The following TAFA5 variants were observed in gnomAD, a reference collection of about 807,000 sequenced individuals.
TAFA5 encodes the protein chemokine-like protein TAFA-5.
A neutral mutation model predicts 15.3 loss-of-function variants in TAFA5; 6 were observed. The ratio of observed to expected loss-of-function variants is 0.39; its 90% CI spans 0.21 to 0.77. The LOEUF (loss-of-function observed/expected upper bound fraction) is 0.77. Among genes scored for constraint, TAFA5 ranks in the 30% least tolerant of loss-of-function variants. The probability of loss-of-function intolerance (pLI) is 0.41; values close to 1 mark genes in which losing one functional copy is unlikely to be tolerated. For synonymous variants in TAFA5, 103 were observed against 80.7 expected (o/e 1.28, Z -1.48); for missense variants, 161 against 193.1 (o/e 0.83, Z 0.98).
intron 2 of TAFA5, among the ~76,000 whole-genome samples, chr22:48,673,051 G>A: frequency 6.6e-6 from 1 of 152,172 alleles, no homozygotes; most frequent in Non-Finnish European, 1.5e-5. Context: ...CTGCACCAGT[G>A]CCTCCAAATC....
In TAFA5 at chr22:48,708,695, GT is replaced by G. The variant is rs574162177; in HGVS notation, c.390+854del. The stretch of plus-strand genomic sequence containing the variant: ...AAGCTGAGGACGTGAGTGGGTGAGC[GT>G]TTCCCTAACACGGATCCGGGCTCCA... On this transcript the variant is annotated intron_variant, in intron 3 of 3. Transcript: ENST00000402357. 3.0e-4 allele frequency among the ~76,000 whole-genome samples: 45 copies of G among 152,338 alleles called. 1 individual carries two copies. The highest frequency in any genetic ancestry group is 5.6e-4 in the Non-Finnish European group (38 of 68,020).
chr22:48,748,211 C>T (rs1305624787), intron 3 of TAFA5, among the ~76,000 whole-genome samples: 1 of 152,210 alleles, frequency 6.6e-6, no homozygotes, highest in African/African-American at 2.4e-5. Flanking sequence ...GCTTGTTGGG[C>T]ATCCACAGCC....
rs1418299749 is a variant in TAFA5 at position 48,566,773 on chromosome 22, T to C, written c.112+77069T>C. ...CTGTAGAGAACCCAGCCCCTGATCA[T>C]GCTCTCCTCCTTTTGCCTGTGTCCT... On this transcript the variant is annotated intron_variant, in intron 1 of 3. Transcript: ENST00000402357. This position sits in a 1 kb window ranked among gnomAD's most constrained non-coding sequence, Gnocchi z 4.5. Among the ~76,000 whole-genome samples the C allele has an allele frequency of 6.6e-6, 1 of 152,220 alleles. No homozygotes were observed. The highest frequency in any genetic ancestry group is 2.4e-5 in the African/African-American group (1 of 41,452).
At chr22:48,622,689 T>C (rs1601622621) in intron 1 of TAFA5, among the ~76,000 whole-genome samples, 2 of 152,210 alleles carry the variant, frequency 1.3e-5, no homozygotes, top group East Asian at 1.9e-4. Context: ...ATTTGGAGAA[T>C]GGCGCAGCTG....
At chr22:48,500,050 C>T (rs544172764) in intron 1 of TAFA5, among the ~76,000 whole-genome samples, 1 of 152,260 alleles carries the variant, frequency 6.6e-6, no homozygotes, top group African/African-American at 2.4e-5. Context: ...TCAGAGACCC[C>T]TTTGCTTGGT....
At chr22:48,683,239 C>T (rs1180081811) in intron 2 of TAFA5, among the ~76,000 whole-genome samples, 4 of 152,166 alleles carry the variant, frequency 2.6e-5, no homozygotes, top group South Asian at 4.2e-4. Flanking sequence ...CGGACAGGCC[C>T]GGATGTTCCT....
chr22:48,646,544 T>C (rs1401415984), intron 1 of TAFA5, 53 bp from the exon 2 acceptor site: 1 of 1,591,680 alleles, frequency 6.3e-7, no homozygotes. Flanking sequence ...GGGCTCTGGC[T>C]GTGGGGTGTC....
At chr22:48,676,526 C>A (rs895696606) in intron 2 of TAFA5, among the ~76,000 whole-genome samples, 2 of 151,974 alleles carry the variant, frequency 1.3e-5, no homozygotes, top group African/African-American at 4.8e-5. Context: ...GCCTGGTGGT[C>A]GTTCAGGAGT....
chr22:48,541,600 AC>A (rs1208493324), intron 1 of TAFA5, among the ~76,000 whole-genome samples: 1 of 151,478 alleles, frequency 6.6e-6, no homozygotes, highest in Non-Finnish European at 1.5e-5. Flanking sequence ...AACAGGTGCC[AC>A]CCCCCTGTGT....
intron 3 of TAFA5, among the ~76,000 whole-genome samples, chr22:48,734,685 A>G (rs1388535886): frequency 2.6e-5 from 4 of 152,234 alleles, no homozygotes; most frequent in African/African-American, 7.2e-5. Context: ...AGCTCTTCTG[A>G]CTGCTGTTTT....
intron 1 of TAFA5, chr22:48,544,473 T>C (rs12170786): frequency 0.019 from 6,482 of 348,042 alleles, 327 homozygotes; most frequent in African/African-American, 0.12. Flanking sequence ...GGCAGCCGTT[T>C]GTTGAAATAT....
intron 1 of TAFA5, among the ~76,000 whole-genome samples, chr22:48,585,784 A>G (rs1317531270): frequency 6.6e-6 from 1 of 152,030 alleles, no homozygotes; most frequent in Admixed American, 6.6e-5. Context: ...CACACACCAC[A>G]CATACCCTGT....
rs1420740510 is a variant in TAFA5, at chr22:48,489,610, G to C, written c.18G>C (p.Arg6Ser). 2.7e-6 allele frequency: 4 copies of C among 1,498,732 alleles called. No individual in the cohort carries two copies. The highest frequency in any genetic ancestry group is 2.9e-5 in the African/African-American group (2 of 68,898). 92.8% of individuals were successfully genotyped at this position (1,498,732 alleles called of 1,614,324 possible). A position where few individuals can be genotyped will look rare whatever the true frequency, so the allele number is the denominator to read the frequency against. The stretch of plus-strand genomic sequence containing the variant: ...CGGCTTCAATGGCGCCATCGCCCAG[G>C]ACCGGCAGCCGGCAAGATGCGACCG... MAPSP[R>S]TGSRQDATAL... The change falls in exon 1 of 4, where the codon AGG becomes AGC. Residue 6 changes from arginine to serine, a missense_variant. Physicochemically the swap from Arg to Ser is moderately radical, Grantham distance 110 (BLOSUM62 -1). Coordinates refer to ENST00000402357, the MANE Select transcript of TAFA5 (RefSeq NM_001082967.3). The surrounding 1 kb of genome is among the most constrained non-coding windows in gnomAD (Gnocchi z 5.5).
chr22:48,608,134 C>CTCCCACAGTCCCGGG (rs1925267421), intron 1 of TAFA5, among the ~76,000 whole-genome samples: 4 of 152,010 alleles, frequency 2.6e-5, no homozygotes, highest in African/African-American at 9.7e-5. Context: ...CTGCCAGACC[C>CTCCCACAGTCCCGGG]CTGCTTCTCG....
At chr22:48,621,392 T>G (rs1388364283) in intron 1 of TAFA5, among the ~76,000 whole-genome samples, 1 of 151,812 alleles carries the variant, frequency 6.6e-6, no homozygotes, top group African/African-American at 2.4e-5. Flanking sequence ...CATTCTTGTG[T>G]TGGGTGCTCC....
intron 2 of TAFA5, among the ~76,000 whole-genome samples, chr22:48,660,187 C>T (rs1052857078): frequency 6.6e-6 from 1 of 152,186 alleles, no homozygotes; most frequent in Non-Finnish European, 1.5e-5. Context: ...TCATTGTCTT[C>T]GGACACGCTG....
rs1923398044 is a variant in TAFA5, at chr22:48,566,076, G to T, written c.112+76372G>T. ...ATGGATGGATGATGGATGGATGGAT[G>T]GATGATGGATGAATGATAGGTGGAT... On this transcript the variant is annotated intron_variant, in intron 1 of 3. Coordinates refer to ENST00000402357, the MANE Select transcript of TAFA5 (RefSeq NM_001082967.3). The surrounding 1 kb of genome is among the most constrained non-coding windows in gnomAD (Gnocchi z 4.5). Among the ~76,000 whole-genome samples, 1 of 151,896 alleles carries T rather than the reference G, an allele frequency of 6.6e-6. No individual in the cohort carries two copies. Among genetic ancestry groups the T allele is most frequent in the Non-Finnish European group, 1.5e-5 (1 of 67,968 alleles).
intron 1 of TAFA5, among the ~76,000 whole-genome samples, chr22:48,589,969 CAG>C (rs1265498249): frequency 2.0e-5 from 3 of 149,234 alleles, no homozygotes; most frequent in Admixed American, 6.8e-5. Flanking sequence ...GATCTTGTCA[CAG>C]GGGATTGCAG....
chr22:48,721,840 G>A (rs1405757691), intron 3 of TAFA5, among the ~76,000 whole-genome samples: 2 of 152,118 alleles, frequency 1.3e-5, no homozygotes, highest in South Asian at 2.1e-4. Flanking sequence ...GTGGTGGCAC[G>A]CACCTGTGAT....
Sources: gnomAD v4.1 joint callset for allele counts (sites outside exome capture counted in the v4.1 genomes callset) on GRCh38, gnomAD v4.1.1 for gene constraint, Gnocchi (gnomAD v3.1) non-coding constraint, MANE v1.5 for transcripts, NCBI Gene and HGNC (gene_info 2026-07-23, HGNC 2026-07-21) for gene names.